Variants in XKR4 observed in about 807,000 individuals in gnomAD.
The protein encoded by XKR4 is XK-related protein 4.
XKR4 carries 12 observed loss-of-function variants against 53.9 expected under a neutral mutation model. That is an observed-to-expected ratio of 0.22 (90% CI 0.14 to 0.36). The LOEUF is 0.36. XKR4 is among the 10% of genes least tolerant of loss of function. The pLI is 1.00. For synonymous variants in XKR4, 354 were observed against 362.4 expected (o/e 0.98, Z 0.26); for missense variants, 799 against 859.5 (o/e 0.93, Z 0.88).
chr8:55,292,043 A>G (rs1356362984), intron 1 of XKR4, among the ~76,000 whole-genome samples: 3 of 152,250 alleles, frequency 2.0e-5, no homozygotes, highest in South Asian at 2.1e-4. Context: ...TTGTTATGGT[A>G]TATAATTTTT....
At chr8:55,180,185 C>G (rs1817288344) in intron 1 of XKR4, among the ~76,000 whole-genome samples, 1 of 152,118 alleles carries the variant, frequency 6.6e-6, no homozygotes, top group South Asian at 2.1e-4. Flanking sequence ...TTATAATGAC[C>G]ATCAATAGCA....
At chr8:55,237,411 G>GA (rs1184004295) in intron 1 of XKR4, among the ~76,000 whole-genome samples, 3 of 152,286 alleles carry the variant, frequency 2.0e-5, no homozygotes, top group Non-Finnish European at 4.4e-5. Context: ...GTCAGTTAGA[G>GA]AAAAGATAAT....
intron 1 of XKR4, among the ~76,000 whole-genome samples, chr8:55,324,185 T>C (rs1412065083): frequency 1.3e-5 from 2 of 152,160 alleles, no homozygotes; most frequent in African/African-American, 4.8e-5. Flanking sequence ...AGCCTCAACC[T>C]CCTGAACTCA....
intron 1 of XKR4, among the ~76,000 whole-genome samples, chr8:55,304,928 A>G (rs145086694): frequency 8.1e-4 from 124 of 152,278 alleles, no homozygotes; most frequent in African/African-American, 2.8e-3. Context: ...AAGCTTCATC[A>G]TAACAGAAAA....
intron 2 of XKR4, among the ~76,000 whole-genome samples, chr8:55,437,844 C>A (rs1805198175): frequency 6.6e-6 from 1 of 151,824 alleles, no homozygotes; most frequent in Non-Finnish European, 1.5e-5. Flanking sequence ...GAAAAAGCAG[C>A]AGTGTAAATA....
intron 1 of XKR4, among the ~76,000 whole-genome samples, chr8:55,105,127 C>G (rs1816122753): frequency 1.3e-5 from 2 of 152,070 alleles, no homozygotes; most frequent in African/African-American, 4.8e-5. Context: ...TATGAAAAAT[C>G]TGATATTAAA....
intron 2 of XKR4, among the ~76,000 whole-genome samples, chr8:55,382,343 G>A (rs988918980): frequency 5.3e-5 from 8 of 152,202 alleles, no homozygotes. Context: ...CTTTTCAAAA[G>A]CAGTTGTGCA....
At chr8:55,485,222 A>G (rs10107023) in intron 2 of XKR4, among the ~76,000 whole-genome samples, 11 of 152,038 alleles carry the variant, frequency 7.2e-5, no homozygotes, top group African/African-American at 2.7e-4. Flanking sequence ...CTCTGTGGCC[A>G]CTGTTATTCA....
intron 1 of XKR4, among the ~76,000 whole-genome samples, chr8:55,122,508 A>G (rs1009327894): frequency 1.3e-5 from 2 of 152,164 alleles, no homozygotes; most frequent in African/African-American, 4.8e-5. Context: ...TTTGAAAGGG[A>G]TTGAGACTTT....
chr8:55,307,916 A>T (rs1819328035), intron 1 of XKR4, among the ~76,000 whole-genome samples: 1 of 152,182 alleles, frequency 6.6e-6, no homozygotes, highest in Non-Finnish European at 1.5e-5. Flanking sequence ...ACTAAACTAA[A>T]TACAGTTATC....
intron 1 of XKR4, among the ~76,000 whole-genome samples, chr8:55,256,993 C>G (rs1275044654): frequency 2.6e-5 from 4 of 152,178 alleles, no homozygotes; most frequent in Admixed American, 2.6e-4. Context: ...TTGCTGCATC[C>G]TTTCCACCTC....
At chr8:55,420,566 A>G (rs1804912154) in intron 2 of XKR4, among the ~76,000 whole-genome samples, 1 of 144,816 alleles carries the variant, frequency 6.9e-6, no homozygotes. Flanking sequence ...ATTCTCACTC[A>G]TAGGTCGGAA....
chr8:55,102,875 C>T lies in XKR4; in HGVS notation c.387C>T (p.Asp129=). Residue 129 remains aspartate, a synonymous_variant, in exon 1 of 3, where the codon GAC becomes GAT. Transcript: ENST00000327381. This position sits in a 1 kb window ranked among gnomAD's most constrained non-coding sequence, Gnocchi z 5.1. ...VAVYFADVGT[D]VWLAVDYYLR... is the part of the protein sequence containing the mutation. ...TGTACTTCGCGGACGTGGGCACAGA[C>T]GTCTGGCTCGCCGTGGACTACTACC... is the stretch of plus-strand genomic sequence containing the variant. The T allele has an allele frequency of 1.2e-6, 2 of 1,612,188 alleles. No homozygotes were observed. The highest frequency in any genetic ancestry group is 1.3e-5 in the African/African-American group (1 of 75,066).
At position 55,523,803 on chromosome 8, in the gene XKR4, A is replaced by G. The variant is rs781578737; in HGVS notation, c.1529A>G (p.Tyr510Cys). ...LTGVVFMLMY[Y>C]AFFHPNGPRF... ...GGCGTTGTTTTTATGCTGATGTATT[A>G]TGCCTTCTTTCATCCCAATGGACCC... The change falls in exon 3 of 3, where the codon TAT (tyrosine) becomes TGT (cysteine). Residue 510 changes from tyrosine (Y) to cysteine (C), a missense_variant. Tyr to Cys is a radical substitution (Grantham distance 194). This residue lies in a region of XKR4 where 269 missense variants were observed against 264.4 expected (regional missense o/e 1.02). Coordinates refer to ENST00000327381, the MANE Select transcript of XKR4 (RefSeq NM_052898.2). The G allele has an allele frequency of 6.2e-7, 1 of 1,614,096 alleles. No homozygotes were observed. Among genetic ancestry groups the G allele is most frequent in the Non-Finnish European group, 8.5e-7 (1 of 1,180,020 alleles).
chr8:55,225,624 A>G (rs972983098), intron 1 of XKR4, among the ~76,000 whole-genome samples: 1 of 152,242 alleles, frequency 6.6e-6, no homozygotes, highest in African/African-American at 2.4e-5. Flanking sequence ...GTCATAATTC[A>G]TCCAGAGCCA....
At chr8:55,416,540 C>T (rs940310156) in intron 2 of XKR4, among the ~76,000 whole-genome samples, 5 of 152,130 alleles carry the variant, frequency 3.3e-5, no homozygotes, top group East Asian at 1.9e-4. Context: ...GAAAGTCAGT[C>T]GACATCAATA....
chr8:55,273,682 C>T (rs111262873), intron 1 of XKR4, among the ~76,000 whole-genome samples: 3 of 152,300 alleles, frequency 2.0e-5, no homozygotes, highest in African/African-American at 7.2e-5. Flanking sequence ...ACAGCTCCGA[C>T]TCCCTATGAT....
At chr8:55,500,181 C>CAAAA (rs36233927) in intron 2 of XKR4, among the ~76,000 whole-genome samples, 7 of 115,586 alleles carry the variant, frequency 6.1e-5, no homozygotes, top group African/African-American at 2.4e-4. Flanking sequence ...CAAATTGGGC[C>CAAAA]AAAAAAAAAA....
At chr8:55,255,585 TA>T (rs1262557267) in intron 1 of XKR4, among the ~76,000 whole-genome samples, 13 of 152,166 alleles carry the variant, frequency 8.5e-5, no homozygotes, top group Non-Finnish European at 1.5e-5. Context: ...GCTTAGTGTA[TA>T]AATGAACAAC....
Sources: gnomAD v4.1 joint callset for allele counts (sites outside exome capture counted in the v4.1 genomes callset) on GRCh38, gnomAD v4.1.1 for gene constraint, gnomAD v4.1.1 regional missense constraint, Gnocchi (gnomAD v3.1) non-coding constraint, MANE v1.5 for transcripts, NCBI Gene and HGNC (gene_info 2026-07-23, HGNC 2026-07-21) for gene names.